ASS1: variants seen among roughly 807,000 people sequenced by gnomAD.
ASS1 encodes the protein argininosuccinate synthase.
A neutral mutation model predicts 60.5 loss-of-function variants in ASS1; 58 were observed. The ratio of observed to expected loss-of-function variants is 0.96; its 90% CI spans 0.78 to 1.19. The LOEUF (loss-of-function observed/expected upper bound fraction) is 1.19, where lower values mean the gene tolerates loss of function less well. ASS1 is among the 50% of genes most tolerant of loss of function. ASS1 has a pLI of 0.00. For missense variants in ASS1, 454 were observed against 547.3 expected (o/e 0.83, Z 1.70); for synonymous variants, 200 against 206.9 (o/e 0.97, Z 0.29).
chr9:130,490,377 G>A (rs765046302), intron 12 of ASS1, among the ~76,000 whole-genome samples: 2 of 152,056 alleles, frequency 1.3e-5, no homozygotes, highest in African/African-American at 2.4e-5. Context: ...GCAATGGTGC[G>A]ATCTTGGCTC....
intron 2 of ASS1, among the ~76,000 whole-genome samples, chr9:130,453,392 G>A (rs1048009830): frequency 1.3e-5 from 2 of 152,374 alleles, no homozygotes; most frequent in Middle Eastern, 3.4e-3. Flanking sequence ...CTTGTTTGCC[G>A]GCATATTGGC....
intron 1 of ASS1, among the ~76,000 whole-genome samples, chr9:130,450,783 G>A (rs772777019): frequency 6.6e-6 from 1 of 152,244 alleles, no homozygotes; most frequent in Non-Finnish European, 1.5e-5. Context: ...AGCGATGCCT[G>A]CATCACTGCA....
At chr9:130,472,839 C>T (rs1845903099) in intron 8 of ASS1, among the ~76,000 whole-genome samples, 1 of 152,210 alleles carries the variant, frequency 6.6e-6, no homozygotes, top group African/African-American at 2.4e-5. Context: ...GCCCGTGGGC[C>T]CCAAGCATGC....
intron 13 of ASS1, among the ~76,000 whole-genome samples, chr9:130,496,785 G>T (rs1221036426): frequency 1.3e-5 from 2 of 152,104 alleles, no homozygotes. Context: ...CCTGCACCAA[G>T]GGACGAGGTG....
intron 6 of ASS1, 75 bp downstream of exon 6, chr9:130,466,874 G>A: frequency 1.3e-6 from 2 of 1,520,092 alleles, no homozygotes; most frequent in South Asian, 2.3e-5. Flanking sequence ...GCTGGGGGCT[G>A]TCTGAGCCAG....
chr9:130,500,967 G>C lies in ASS1; in HGVS notation c.1194-9G>C, dbSNP rs1846740810. 1 of 1,613,276 alleles carries C rather than the reference G, an allele frequency of 6.2e-7. No individual in the cohort carries two copies. The highest frequency in any genetic ancestry group is 1.3e-5 in the African/African-American group (1 of 74,882). On this transcript the variant is annotated splice_polypyrimidine_tract_variant and intron_variant, in intron 14 of 14. Transcript: ENST00000352480. ...TTACATTTTTCTTTGTTTTGAATCT[G>C]GTTTACAGGCTGAAGGAATATCATC...
intron 4 of ASS1, 40 bp downstream of exon 4, chr9:130,458,629 G>A (rs758798373): frequency 5.0e-6 from 8 of 1,598,082 alleles, no homozygotes; most frequent in Non-Finnish European, 6.8e-6. Context: ...GGAGATGGAG[G>A]CGGAGGGGTG....
chr9:130,447,450 G>A (rs1459152711), intron 1 of ASS1, among the ~76,000 whole-genome samples: 9 of 152,250 alleles, frequency 5.9e-5, no homozygotes, highest in Admixed American at 4.6e-4. Context: ...AGTGTCAAGT[G>A]AGCGCCCAGG....
In ASS1 at chr9:130,470,677, C is replaced by T. The variant is rs934754815; in HGVS notation, c.496-157C>T. On this transcript the variant is annotated intron_variant, in intron 6 of 14. Coordinates refer to ENST00000352480, the MANE Select transcript of ASS1 (RefSeq NM_054012.4). This position sits in a 1 kb window ranked among gnomAD's most constrained non-coding sequence, Gnocchi z 4.3. ...GGGCATGTCCAGCAATAGGGTCCCC[C>T]CAGGGAGGTGACCGTGACCAACACT... Among the ~76,000 whole-genome samples, 6 of 152,160 alleles carry T rather than the reference C, an allele frequency of 3.9e-5. No homozygotes were observed. The highest frequency in any genetic ancestry group is 8.8e-5 in the Non-Finnish European group (6 of 68,012).
At position 130,476,624 on chromosome 9, in the gene ASS1, G is replaced by A. The variant is rs772442987; in HGVS notation, c.598-247G>A. 80 of 584,428 alleles carry A rather than the reference G, an allele frequency of 1.4e-4. No homozygotes were observed. The highest frequency in any genetic ancestry group is 2.2e-4 in the Non-Finnish European group (72 of 326,530). 36.2% of individuals were successfully genotyped at this position (584,428 alleles called of 1,614,324 possible). ...CTATTCTACCTCCAGCTGTGGGGGC[G>A]TCGAAGAAAAAGATGAGATCAAGTT... On this transcript the variant is annotated intron_variant, in intron 8 of 14. Transcript: ENST00000352480. This position sits in a 1 kb window ranked among gnomAD's most constrained non-coding sequence, Gnocchi z 4.9.
chr9:130,451,491 A>G (rs1845324554), intron 1 of ASS1: 2 of 317,614 alleles, frequency 6.3e-6, no homozygotes, highest in East Asian at 8.7e-5. Flanking sequence ...AGGCGCTCAC[A>G]TTTGGAGACA....
At chr9:130,482,152 G>T (rs1296594969) in intron 11 of ASS1, among the ~76,000 whole-genome samples, 1 of 152,110 alleles carries the variant, frequency 6.6e-6, no homozygotes, top group Non-Finnish European at 1.5e-5. Flanking sequence ...GCCCAGAGTG[G>T]CATGGAGTGG....
At chr9:130,486,117 C>T (rs1262219012) in intron 11 of ASS1, among the ~76,000 whole-genome samples, 1 of 152,134 alleles carries the variant, frequency 6.6e-6, no homozygotes, top group Non-Finnish European at 1.5e-5. Flanking sequence ...TACACCACCA[C>T]ACCCAGCTAA....
intron 3 of ASS1, among the ~76,000 whole-genome samples, chr9:130,455,109 CCATCCATCATCCATTTATT>C: frequency 6.6e-6 from 1 of 151,718 alleles, no homozygotes; most frequent in East Asian, 1.9e-4. Context: ...ATCCGTCTAT[CCATCCATCATCCATTTATT>C]CATCCATCAT....
At chr9:130,481,055 C>T (rs907570840) in intron 11 of ASS1, among the ~76,000 whole-genome samples, 1 of 152,192 alleles carries the variant, frequency 6.6e-6, no homozygotes, top group Non-Finnish European at 1.5e-5. Context: ...TGCCTAGCCT[C>T]GTATCCGCCT....
chr9:130,479,502 T>C (rs1846110485), intron 9 of ASS1, among the ~76,000 whole-genome samples: 1 of 152,158 alleles, frequency 6.6e-6, no homozygotes, highest in African/African-American at 2.4e-5. Context: ...AGCGTTTTTA[T>C]TGCATTTTCT....
chr9:130,479,756 C>A lies in ASS1; in HGVS notation c.729C>A (p.Thr243=), dbSNP rs370892743. The A allele has an allele frequency of 6.2e-7, 1 of 1,614,106 alleles. No homozygotes were observed. The highest frequency in any genetic ancestry group is 1.3e-5 in the African/African-American group (1 of 74,952). Reference sequence around the variant, plus strand: ...TGACCAACGTCAAGGATGGCACCACCCACCAGACCTCCTTGGAGCTCTTCA... The same window carrying A: ...TGACCAACGTCAAGGATGGCACCACACACCAGACCTCCTTGGAGCTCTTCA... ...VKVTNVKDGT[T]HQTSLELFMY... is the part of the protein sequence containing the mutation. Residue 243 remains threonine (T), a synonymous_variant, in exon 10 of 15, where the codon ACC becomes ACA. Transcript: ENST00000352480.
intron 13 of ASS1, among the ~76,000 whole-genome samples, chr9:130,496,895 C>T (rs551499953): frequency 6.6e-5 from 10 of 152,370 alleles, no homozygotes; most frequent in Non-Finnish European, 1.5e-4. Flanking sequence ...CAGCTTAGCT[C>T]AGGCTAAGGC....
Position 130,477,804 on chromosome 9 carries a change from G to A in ASS1, c.688+843G>A, listed in dbSNP as rs926856333. Reference sequence around the variant, plus strand: ...CACCCAAGGACCAGGCGGGGGGCTGGCCCATTCGTCCACAAAGTGGCTGCC... The same window carrying A: ...CACCCAAGGACCAGGCGGGGGGCTGACCCATTCGTCCACAAAGTGGCTGCC... On this transcript the variant is annotated intron_variant, in intron 9 of 14. Coordinates refer to ENST00000352480, the MANE Select transcript of ASS1 (RefSeq NM_054012.4). This position sits in a 1 kb window ranked among gnomAD's most constrained non-coding sequence, Gnocchi z 4.2. Among the ~76,000 whole-genome samples, 1 of 152,178 alleles carries A rather than the reference G, an allele frequency of 6.6e-6. No individual in the cohort carries two copies. The highest frequency in any genetic ancestry group is 1.5e-5 in the Non-Finnish European group (1 of 68,024).
Sources: allele counts gnomAD v4.1 joint callset (sites outside exome capture counted in the v4.1 genomes callset), GRCh38; gene constraint gnomAD v4.1.1; non-coding constraint Gnocchi (gnomAD v3.1); transcripts MANE v1.5; gene names NCBI Gene and HGNC (gene_info 2026-07-23, HGNC 2026-07-21).